Variants in SLC16A7 observed in about 807,000 individuals in gnomAD.
SLC16A7 encodes the protein solute carrier family 16 member 7.
A neutral mutation model predicts 34.9 loss-of-function variants in SLC16A7; 33 were observed. The observed-to-expected ratio is 0.94, with a 90% CI of 0.72 to 1.26. SLC16A7 has a LOEUF of 1.26. SLC16A7 is among the 50% of genes most tolerant of loss of function. The pLI is 0.00. For synonymous variants in SLC16A7, 201 were observed against 206.6 expected, an observed-to-expected ratio of 0.97 and a Z score of 0.23; for missense variants, 573 against 578.1, an observed-to-expected ratio of 0.99 and a Z score of 0.09.
At chr12:59,670,164 CAATTT>C (rs939859963) in intron 2 of SLC16A7, among the ~76,000 whole-genome samples, 3 of 152,158 alleles carry the variant, frequency 2.0e-5, no homozygotes, top group African/African-American at 7.2e-5. Flanking sequence ...AGTAAAATTT[CAATTT>C]ATGCCTGTAT....
chr12:59,779,644 C>G lies in SLC16A7; in HGVS notation c.1402C>G (p.Gln468Glu). 1 of 1,611,268 alleles carries G rather than the reference C, an allele frequency of 6.2e-7. No homozygotes were observed. Among genetic ancestry groups the G allele is most frequent in the Non-Finnish European group, 8.5e-7 (1 of 1,177,842 alleles). The change falls in exon 6 of 6, where the codon CAG (glutamine) becomes GAG (glutamate). Residue 468 changes from glutamine to glutamate, a missense_variant. Physicochemically the swap from Gln to Glu is conservative, Grantham distance 29 (BLOSUM62 2). Transcript: ENST00000547379. Reference protein sequence around the residue: ...EDVNVKVSNAQSVTSERETNI With the variant: ...EDVNVKVSNAESVTSERETNI ...TGTTAACGTCAAAGTTTCAAATGCA[C>G]AGAGTGTAACCTCAGAAAGAGAAAC...
chr12:59,726,464 A>G (rs1380457451), intron 3 of SLC16A7, among the ~76,000 whole-genome samples: 1 of 152,102 alleles, frequency 6.6e-6, no homozygotes, highest in Non-Finnish European at 1.5e-5. Flanking sequence ...AAGAAGGGGA[A>G]GATTGGATTG....
intron 3 of SLC16A7, among the ~76,000 whole-genome samples, chr12:59,748,603 T>C (rs902201069): frequency 5.3e-5 from 8 of 152,208 alleles, no homozygotes; most frequent in South Asian, 2.1e-4. Flanking sequence ...ATATGTACCA[T>C]AGACTGAAGT....
At chr12:59,738,654 G>C (rs1877892915) in intron 3 of SLC16A7, among the ~76,000 whole-genome samples, 1 of 152,130 alleles carries the variant, frequency 6.6e-6, no homozygotes, top group Non-Finnish European at 1.5e-5. Flanking sequence ...GCAGGGAATA[G>C]TATTGACCCA....
Position 59,775,326 on chromosome 12 carries a change from C to A in SLC16A7, c.1031C>A (p.Ala344Asp). The A allele has an allele frequency of 6.2e-7, 1 of 1,614,124 alleles. No individual in the cohort carries two copies. Among genetic ancestry groups the A allele is most frequent in the African/African-American group, 1.3e-5 (1 of 75,036 alleles). Reference protein sequence around the residue: ...AQDYTSLVLYAVFFGLGFGSV... With the variant: ...AQDYTSLVLYDVFFGLGFGSV... ...GACTACACAAGCCTGGTATTATATG[C>A]TGTATTTTTTGGCCTTGGATTTGGG... is the stretch of plus-strand genomic sequence containing the variant. Residue 344 changes from alanine (A) to aspartate (D), a missense_variant, in exon 5 of 6, where the codon GCT becomes GAT. By Grantham distance (126) the Ala-to-Asp change is moderately radical. Transcript: ENST00000547379.
intron 1 of SLC16A7, among the ~76,000 whole-genome samples, chr12:59,606,320 C>A (rs539120299): frequency 6.6e-6 from 1 of 152,178 alleles, no homozygotes; most frequent in Non-Finnish European, 1.5e-5. Context: ...GGGAATACAA[C>A]CTAAGGGAAT....
At chr12:59,700,946 G>C (rs943441366) in intron 2 of SLC16A7, among the ~76,000 whole-genome samples, 2 of 151,568 alleles carry the variant, frequency 1.3e-5, no homozygotes, top group Non-Finnish European at 3.0e-5. Context: ...TATTACTCTT[G>C]TGAGGTAGGT....
chr12:59,754,412 T>C (rs1000257494), intron 3 of SLC16A7, among the ~76,000 whole-genome samples: 6 of 151,942 alleles, frequency 3.9e-5, no homozygotes, highest in Admixed American at 2.0e-4. Flanking sequence ...CAATAAAAAA[T>C]GATAAAGGGG....
At chr12:59,739,060 A>G (rs1055363632) in intron 3 of SLC16A7, among the ~76,000 whole-genome samples, 2 of 148,810 alleles carry the variant, frequency 1.3e-5, no homozygotes, top group South Asian at 2.1e-4. Context: ...TTATTATTAT[A>G]CTTTAAGTTT....
chr12:59,614,962 C>T (rs575697078), intron 1 of SLC16A7, among the ~76,000 whole-genome samples: 2 of 151,352 alleles, frequency 1.3e-5, no homozygotes, highest in Admixed American at 6.6e-5. Context: ...GAGATCGCAC[C>T]ACTGCACTCC....
At chr12:59,723,490 T>A (rs142976427) in intron 3 of SLC16A7, among the ~76,000 whole-genome samples, 10 of 151,896 alleles carry the variant, frequency 6.6e-5, no homozygotes, top group African/African-American at 2.4e-4. Flanking sequence ...GAGATGTGAA[T>A]TGCTATGGGA....
intron 1 of SLC16A7, among the ~76,000 whole-genome samples, chr12:59,630,145 G>A (rs1039655026): frequency 6.6e-6 from 1 of 151,750 alleles, no homozygotes; most frequent in Non-Finnish European, 1.5e-5. Flanking sequence ...CTGAAAATTC[G>A]GCAGAATGAT....
rs189033216 is a variant in SLC16A7, at chr12:59,634,915, G to T, written c.-129-20237G>T. ...TGAAAAAAGGATGGAAGGGTAGAAT[G>T]CAAGGAAATGTTGTTTCTTGCCTGT... On this transcript the variant is annotated intron_variant, in intron 1 of 5. Coordinates refer to ENST00000547379, the MANE Select transcript of SLC16A7 (RefSeq NM_001270623.2). Among the ~76,000 whole-genome samples the T allele has an allele frequency of 1.9e-3, 286 of 152,132 alleles. 1 individual carries two copies. Among genetic ancestry groups the T allele is most frequent in the African/African-American group, 6.6e-3 (276 of 41,550 alleles).
At chr12:59,734,664 G>C (rs1230192345) in intron 3 of SLC16A7, among the ~76,000 whole-genome samples, 1 of 152,248 alleles carries the variant, frequency 6.6e-6, no homozygotes, top group East Asian at 1.9e-4. Flanking sequence ...CCTTTGCAGA[G>C]GCCACTTCAG....
chr12:59,644,242 C>G (rs1249283167), intron 1 of SLC16A7, among the ~76,000 whole-genome samples: 2 of 152,054 alleles, frequency 1.3e-5, no homozygotes, highest in Non-Finnish European at 2.9e-5. Context: ...TTAACGACAA[C>G]CTAGACCCTG....
chr12:59,625,801 T>C (rs1331710052), intron 1 of SLC16A7, among the ~76,000 whole-genome samples: 1 of 151,704 alleles, frequency 6.6e-6, no homozygotes, highest in Non-Finnish European at 1.5e-5. Context: ...GAGAAGCAAA[T>C]TGAGGGAAAG....
chr12:59,670,533 A>G (rs1387817037), intron 2 of SLC16A7, among the ~76,000 whole-genome samples: 1 of 152,148 alleles, frequency 6.6e-6, no homozygotes, highest in Non-Finnish European at 1.5e-5. Context: ...CTCTAAATCA[A>G]TTATGGGTGA....
At chr12:59,648,611 G>A (rs1358269179) in intron 1 of SLC16A7, among the ~76,000 whole-genome samples, 1 of 152,052 alleles carries the variant, frequency 6.6e-6, no homozygotes, top group East Asian at 1.9e-4. Flanking sequence ...CAGCTGAACA[G>A]AGAAAAAAAG....
chr12:59,690,869 G>A (rs943938976), intron 2 of SLC16A7, among the ~76,000 whole-genome samples: 1 of 151,754 alleles, frequency 6.6e-6, no homozygotes, highest in Non-Finnish European at 1.5e-5. Flanking sequence ...ATATCTATAA[G>A]CACGGATCGA....
Sources: gnomAD v4.1 joint callset for allele counts (sites outside exome capture counted in the v4.1 genomes callset) on GRCh38, gnomAD v4.1.1 for gene constraint, MANE v1.5 for transcripts, NCBI Gene and HGNC (gene_info 2026-07-23, HGNC 2026-07-21) for gene names.